Variants in SLC17A8 observed in about 807,000 individuals in gnomAD.
The protein encoded by SLC17A8 is vesicular glutamate transporter 3.
A neutral mutation model predicts 58.0 loss-of-function variants in SLC17A8; 31 were observed. The observed-to-expected ratio is 0.53, with a 90% CI of 0.40 to 0.72. The LOEUF is 0.72. SLC17A8 is among the 30% of genes least tolerant of loss of function. SLC17A8 has a pLI of 0.00. For missense variants in SLC17A8, 655 were observed against 727.8 expected, an observed-to-expected ratio of 0.90 and a Z score of 1.15; for synonymous variants, 228 against 249.0, an observed-to-expected ratio of 0.92 and a Z score of 0.79.
chr12:100,416,358 A>G (rs1952906466), intron 10 of SLC17A8, among the ~76,000 whole-genome samples: 2 of 152,222 alleles, frequency 1.3e-5, no homozygotes, highest in Admixed American at 1.3e-4. Context: ...AATCCATGGT[A>G]AGATTAATGA....
intron 1 of SLC17A8, among the ~76,000 whole-genome samples, chr12:100,357,995 A>T (rs10860583): frequency 6.6e-6 from 1 of 152,078 alleles, no homozygotes; most frequent in Non-Finnish European, 1.5e-5. Context: ...ATTTGAAGGA[A>T]GTAACTTAAA....
intron 4 of SLC17A8, among the ~76,000 whole-genome samples, chr12:100,395,287 T>C (rs944550513): frequency 1.3e-5 from 2 of 152,102 alleles, no homozygotes. Flanking sequence ...TTTGGGCTTC[T>C]ACAGAATACC....
Position 100,419,844 on chromosome 12 carries a change from C to T in SLC17A8, c.1455C>T (p.Leu485=). ...KTREEWQNVF[L]IAALVHYSGV... is the part of the protein sequence containing the mutation. Reference sequence around the variant, plus strand: ...GTGAAGAATGGCAGAATGTGTTCCTCATAGCTGCCCTGGTGCATTACAGTG... The same window carrying T: ...GTGAAGAATGGCAGAATGTGTTCCTTATAGCTGCCCTGGTGCATTACAGTG... Residue 485 remains leucine (L), a synonymous_variant, in exon 12 of 12, where the codon CTC becomes CTT. Transcript: ENST00000323346. 1 of 1,613,952 alleles carries T rather than the reference C, an allele frequency of 6.2e-7. No homozygotes were observed. Among genetic ancestry groups the T allele is most frequent in the South Asian group, 1.1e-5 (1 of 91,090 alleles).
intron 9 of SLC17A8, among the ~76,000 whole-genome samples, chr12:100,409,383 G>C (rs150856836): frequency 6.6e-6 from 1 of 152,030 alleles, no homozygotes; most frequent in African/African-American, 2.4e-5. Flanking sequence ...AAGGGGTTTT[G>C]CCATGTTGCC....
intron 2 of SLC17A8, among the ~76,000 whole-genome samples, chr12:100,386,909 G>C (rs759916121): frequency 3.3e-5 from 5 of 151,976 alleles, no homozygotes; most frequent in Admixed American, 1.3e-4. Flanking sequence ...GGCTGGTCTC[G>C]AACTCCTGAC....
chr12:100,417,914 CAT>C, intron 10 of SLC17A8, 113 bp from the exon 11 acceptor site: 1 of 1,307,696 alleles, frequency 7.6e-7, no homozygotes, highest in East Asian at 2.3e-5. Context: ...GGAAACTAGT[CAT>C]ATACTAGAGG....
intron 5 of SLC17A8, among the ~76,000 whole-genome samples, chr12:100,398,638 G>C (rs1410841406): frequency 6.6e-6 from 1 of 152,160 alleles, no homozygotes; most frequent in African/African-American, 2.4e-5. Flanking sequence ...GGAAACCCAG[G>C]CTTGGAGTGT....
chr12:100,404,252 A>T, intron 9 of SLC17A8, 82 bp downstream of exon 9: 3 of 1,568,386 alleles, frequency 1.9e-6, no homozygotes, highest in Non-Finnish European at 2.6e-6. Context: ...TTAAGAAGTG[A>T]CATTTAGTCA....
intron 1 of SLC17A8, among the ~76,000 whole-genome samples, chr12:100,361,267 G>A (rs577415771): frequency 1.3e-5 from 2 of 152,160 alleles, no homozygotes; most frequent in Non-Finnish European, 2.9e-5. Context: ...AGGACTTTTG[G>A]AAGGCTCTCT....
chr12:100,417,188 G>A (rs942730361), intron 10 of SLC17A8, among the ~76,000 whole-genome samples: 4 of 152,198 alleles, frequency 2.6e-5, no homozygotes, highest in African/African-American at 9.6e-5. Context: ...TTATAGGCGT[G>A]AGCAACCATG....
intron 9 of SLC17A8, among the ~76,000 whole-genome samples, chr12:100,405,716 A>G (rs1237232838): frequency 6.6e-6 from 1 of 152,188 alleles, no homozygotes; most frequent in Non-Finnish European, 1.5e-5. Context: ...TAGTGCAGAG[A>G]GTATTTTAGA....
rs397850732 is a variant in SLC17A8, at chr12:100,385,233, A to ATTTTT, written c.354+4297_354+4301dup. Among the ~76,000 whole-genome samples the ATTTTT allele has an allele frequency of 1.5e-4, 16 of 106,666 alleles. 1 individual carries two copies. Among genetic ancestry groups the ATTTTT allele is most frequent in the African/African-American group, 2.7e-4 (7 of 26,360 alleles). 70.0% of individuals were successfully genotyped at this position (106,666 alleles called of 152,430 possible). A position where few individuals can be genotyped will look rare whatever the true frequency, so the allele number is the denominator to read the frequency against. On this transcript the variant is annotated intron_variant, in intron 2 of 11. Coordinates refer to ENST00000323346, the MANE Select transcript of SLC17A8 (RefSeq NM_139319.3). ...AGCCTATGGCTTTGCTGTCTTAAAC[A>ATTTTT]TTTTTTTTTTTTTTTTTTTTTGAGA... is the stretch of plus-strand genomic sequence containing the variant.
At chr12:100,376,222 C>T (rs2135980816) in intron 1 of SLC17A8, among the ~76,000 whole-genome samples, 1 of 152,270 alleles carries the variant, frequency 6.6e-6, no homozygotes, top group African/African-American at 2.4e-5. Flanking sequence ...GTTTAGGCCA[C>T]CTAGTTTGTG....
At chr12:100,375,417 C>T (rs140230552) in intron 1 of SLC17A8, among the ~76,000 whole-genome samples, 1,566 of 152,260 alleles carry the variant, frequency 0.01, 16 homozygotes, top group Middle Eastern at 0.017. Flanking sequence ...TATTACAATA[C>T]TGGGACATTT....
At chr12:100,366,727 C>T (rs1310280908) in intron 1 of SLC17A8, among the ~76,000 whole-genome samples, 1 of 152,168 alleles carries the variant, frequency 6.6e-6, no homozygotes, top group Non-Finnish European at 1.5e-5. Flanking sequence ...CTGGGGTGGC[C>T]AGCCTCAGCC....
chr12:100,368,150 T>G (rs879645947), intron 1 of SLC17A8, among the ~76,000 whole-genome samples: 12 of 152,280 alleles, frequency 7.9e-5, no homozygotes, highest in Non-Finnish European at 1.8e-4. Context: ...AGAAACTTAT[T>G]CTCTCACAAT....
At chr12:100,396,549 G>A in intron 5 of SLC17A8, 132 bp downstream of exon 5, 1 of 694,908 alleles carries the variant, frequency 1.4e-6, no homozygotes. Flanking sequence ...AGGAGTTCGA[G>A]ATCAGCCTGG....
chr12:100,360,789 C>T (rs1231705388), intron 1 of SLC17A8, among the ~76,000 whole-genome samples: 2 of 152,172 alleles, frequency 1.3e-5, no homozygotes, highest in Non-Finnish European at 2.9e-5. Flanking sequence ...TATTGGGCCA[C>T]TTATTTAGGT....
In SLC17A8 at chr12:100,415,655, C is replaced by T. The variant is rs568232072; in HGVS notation, c.1298-2374C>T. ...ATGTTGCCCAAGCTGGTCTCGAACT[C>T]CTGGCCTCAAGTGATTCTCCTGCCT... On this transcript the variant is annotated intron_variant, in intron 10 of 11. Coordinates refer to ENST00000323346, the MANE Select transcript of SLC17A8 (RefSeq NM_139319.3). 2.0e-5 allele frequency among the ~76,000 whole-genome samples: 3 copies of T among 152,280 alleles called. No homozygotes were observed. In the South Asian group the frequency reaches 6.2e-4, roughly 32 times the overall value.
Sources: allele counts gnomAD v4.1 joint callset (sites outside exome capture counted in the v4.1 genomes callset), GRCh38; gene constraint gnomAD v4.1.1; transcripts MANE v1.5; gene names NCBI Gene and HGNC (gene_info 2026-07-23, HGNC 2026-07-21).